The following WDFY3 variants were observed in gnomAD, a reference collection of about 807,000 sequenced individuals.
WDFY3 encodes WD repeat and FYVE domain containing 3, also known as WD repeat and FYVE domain-containing protein 3.
Under a neutral mutation model 409.6 loss-of-function variants are expected in WDFY3, and 66 were observed. That is an observed-to-expected ratio of 0.16 (90% confidence interval 0.13 to 0.20). The LOEUF (loss-of-function observed/expected upper bound fraction) is 0.20, where lower values mean the gene tolerates loss of function less well. WDFY3 is among the 10% of genes least tolerant of loss of function. The pLI, the probability that WDFY3 is intolerant of heterozygous loss-of-function variation, is 1.00. For missense variants in WDFY3, 3,031 were observed against 4,298.1 expected, an observed-to-expected ratio of 0.71 and a Z score of 8.24; for synonymous variants, 1,521 against 1,537.1, an observed-to-expected ratio of 0.99 and a Z score of 0.25.
chr4:84,727,382 A>C (rs1232150229), intron 44 of WDFY3, among the ~76,000 whole-genome samples: 1 of 152,170 alleles, frequency 6.6e-6, no homozygotes, highest in Non-Finnish European at 1.5e-5. Context: ...TATCATTTAC[A>C]ATACTCCATA....
chr4:84,920,613 C>A (rs528904159), intron 2 of WDFY3, among the ~76,000 whole-genome samples: 3 of 151,970 alleles, frequency 2.0e-5, no homozygotes, highest in Non-Finnish European at 2.9e-5. Flanking sequence ...AAATTATTTC[C>A]AAAAAAATCA....
rs375068044 is a variant in WDFY3 at position 84,696,034 on chromosome 4, T to G, written c.8837A>C (p.Asn2946Thr). 6.2e-7 allele frequency: 1 copy of G among 1,614,188 alleles called. No homozygotes were observed. The highest frequency in any genetic ancestry group is 1.7e-5 in the Admixed American group (1 of 60,022). Residue 2946 changes from asparagine to threonine, a missense_variant, in exon 58 of 68, where the codon AAT (asparagine) becomes ACT (threonine). Physicochemically the swap from Asn to Thr is moderately conservative, Grantham distance 65. This residue lies in a region of WDFY3 where 129 missense variants were observed against 305.3 expected (regional missense o/e 0.42). Coordinates refer to ENST00000295888, the MANE Select transcript of WDFY3 (RefSeq NM_014991.6). Reference sequence around the variant, plus strand: ...TGTGGCTGTCTCCTTTAGTGGGTCATTGATGTTGTAGATATCCACTTGACC... The same window carrying G: ...TGTGGCTGTCTCCTTTAGTGGGTCAGTGATGTTGTAGATATCCACTTGACC... ...YEGQVDIYNI[N>T]DPLKETATIG...
intron 8 of WDFY3, 24 bp from the exon 9 acceptor site, chr4:84,829,214 AAT>A: frequency 6.6e-7 from 1 of 1,503,808 alleles, no homozygotes; most frequent in East Asian, 2.3e-5. Flanking sequence ...TAATTAAATA[AAT>A]ATGCATTATT....
chr4:84,825,469 AG>A (rs953887844), intron 10 of WDFY3, among the ~76,000 whole-genome samples: 5 of 151,836 alleles, frequency 3.3e-5, no homozygotes, highest in Non-Finnish European at 7.4e-5. Context: ...CGGGCTCAAA[AG>A]ATCCTCCTGT....
intron 2 of WDFY3, among the ~76,000 whole-genome samples, chr4:84,914,905 A>G (rs1768275335): frequency 1.3e-5 from 2 of 152,248 alleles, no homozygotes; most frequent in African/African-American, 4.8e-5. Context: ...TTTTCACAAT[A>G]GTGAAAGGTG....
chr4:84,739,259 C>T, intron 39 of WDFY3, 140 bp from the exon 40 acceptor site: 1 of 768,504 alleles, frequency 1.3e-6, no homozygotes, highest in Non-Finnish European at 2.1e-6. Context: ...TTCTAGTTTG[C>T]CAGGAAGATG....
chr4:84,961,125 G>A (rs1307162550), intron 1 of WDFY3, among the ~76,000 whole-genome samples: 4 of 150,958 alleles, frequency 2.6e-5, no homozygotes, highest in Admixed American at 6.6e-5. Context: ...TGAGGCAGGA[G>A]AATCGCTTGA....
intron 30 of WDFY3, among the ~76,000 whole-genome samples, chr4:84,769,646 T>A (rs1305300823): frequency 6.6e-6 from 1 of 151,836 alleles, no homozygotes; most frequent in Non-Finnish European, 1.5e-5. Flanking sequence ...ATGGTCTCGA[T>A]CTCCTGACCT....
At chr4:84,777,760 A>G (rs1476086044) in intron 27 of WDFY3, among the ~76,000 whole-genome samples, 1 of 152,144 alleles carries the variant, frequency 6.6e-6, no homozygotes, top group Non-Finnish European at 1.5e-5. Context: ...CACAAAGACA[A>G]AGAAGATAAA....
Position 84,841,096 on chromosome 4 carries a change from CAA to C in WDFY3, c.414+56_414+57del, listed in dbSNP as rs907480712. 9.1e-5 allele frequency: 119 copies of C among 1,312,068 alleles called. No individual in the cohort carries two copies. In the African/African-American group the frequency reaches 1.3e-3, roughly 14 times the overall value. The allele number at this position is 1,312,068 out of a possible 1,614,324, so 81.3% of individuals were successfully genotyped here. Reference sequence around the variant, plus strand: ...AATGATGAATTTAATAATAAAATCACAAGAGAGGCTATAAAATAAAGACGCTG... The same window carrying C: ...AATGATGAATTTAATAATAAAATCACGAGAGGCTATAAAATAAAGACGCTG... On this transcript the variant is annotated intron_variant, in intron 6 of 67. Coordinates refer to ENST00000295888, the MANE Select transcript of WDFY3 (RefSeq NM_014991.6).
intron 35 of WDFY3, among the ~76,000 whole-genome samples, chr4:84,752,563 G>C (rs865942286): frequency 6.7e-6 from 1 of 149,880 alleles, no homozygotes; most frequent in Admixed American, 6.7e-5. Flanking sequence ...ACAAGGAAAA[G>C]ATATTGATAT....
At chr4:84,816,368 C>A (rs1753297821) in intron 13 of WDFY3, among the ~76,000 whole-genome samples, 2 of 152,086 alleles carry the variant, frequency 1.3e-5, no homozygotes, top group Non-Finnish European at 2.9e-5. Flanking sequence ...TACATGGGTT[C>A]AGATCTAGAC....
At chr4:84,869,315 A>G (rs867740549) in intron 3 of WDFY3, among the ~76,000 whole-genome samples, 16 of 152,116 alleles carry the variant, frequency 1.1e-4, no homozygotes, top group South Asian at 8.3e-4. Context: ...ACTTCTCCCA[A>G]TTGTTCAATA....
At chr4:84,901,553 T>C (rs1449998715) in intron 2 of WDFY3, among the ~76,000 whole-genome samples, 2 of 152,310 alleles carry the variant, frequency 1.3e-5, no homozygotes, top group East Asian at 3.9e-4. Context: ...AATTACCCAG[T>C]TTCAGGTATT....
chr4:84,871,620 A>C (rs528911905), intron 3 of WDFY3, among the ~76,000 whole-genome samples: 17 of 151,998 alleles, frequency 1.1e-4, no homozygotes, highest in Middle Eastern at 6.8e-3. Flanking sequence ...GTAATATAAC[A>C]TTTTTATCCT....
In WDFY3 at chr4:84,774,993, A is replaced by G. The variant is rs1383138602; in HGVS notation, c.4593-12T>C. The G allele has an allele frequency of 2.5e-6, 4 of 1,613,360 alleles. No individual in the cohort carries two copies. In the South Asian group the frequency reaches 4.4e-5, roughly 18 times the overall value. On this transcript the variant is annotated splice_polypyrimidine_tract_variant and intron_variant, in intron 28 of 67. Coordinates refer to ENST00000295888, the MANE Select transcript of WDFY3 (RefSeq NM_014991.6). Reference sequence around the variant, plus strand: ...TCTTTGAGGCTTCACTATAAGAGAAAGAAGATTTTATACACTGTACTATCA... The same window carrying G: ...TCTTTGAGGCTTCACTATAAGAGAAGGAAGATTTTATACACTGTACTATCA...
rs190595015 is a variant in WDFY3, at chr4:84,930,702, T to C, written c.-132+1568A>G. Among the ~76,000 whole-genome samples, 437 of 152,318 alleles carry C rather than the reference T, an allele frequency of 2.9e-3. 2 individuals are homozygous for C. The highest frequency in any genetic ancestry group is 4.4e-3 in the Admixed American group (68 of 15,298). ...TTGCACTGTACCATTTTATTCATGA[T>C]AGTCAAATAAATGTCCATCAACTGA... On this transcript the variant is annotated intron_variant, in intron 2 of 67. Transcript: ENST00000295888.
chr4:84,926,695 A>G (rs1770038162), intron 2 of WDFY3, among the ~76,000 whole-genome samples: 1 of 152,222 alleles, frequency 6.6e-6, no homozygotes, highest in Non-Finnish European at 1.5e-5. Flanking sequence ...ATGCAGTTCC[A>G]GAAGTTTTCG....
intron 10 of WDFY3, among the ~76,000 whole-genome samples, chr4:84,823,881 A>G (rs758201719): frequency 1.4e-4 from 21 of 152,304 alleles, no homozygotes; most frequent in Non-Finnish European, 2.6e-4. Flanking sequence ...GTAAAGTTAA[A>G]CATACATTTA....
Sources: gnomAD v4.1 joint callset for allele counts (sites outside exome capture counted in the v4.1 genomes callset) on GRCh38, gnomAD v4.1.1 for gene constraint, gnomAD v4.1.1 regional missense constraint, MANE v1.5 for transcripts, NCBI Gene and HGNC (gene_info 2026-07-23, HGNC 2026-07-21) for gene names.